Variants in GUCY1A1 observed in about 807,000 individuals in gnomAD.
The protein encoded by GUCY1A1 is guanylate cyclase soluble subunit alpha-1.
A neutral mutation model predicts 64.5 loss-of-function variants in GUCY1A1; 48 were observed. That is an observed-to-expected ratio of 0.74 (90% CI 0.59 to 0.95). The LOEUF (loss-of-function observed/expected upper bound fraction) is 0.95. Ranked by LOEUF, GUCY1A1 falls within the 40% of genes least tolerant of loss-of-function variation. GUCY1A1 has a pLI of 0.00. For synonymous variants in GUCY1A1, 308 were observed against 303.4 expected, an observed-to-expected ratio of 1.02 and a Z score of -0.16; for missense variants, 804 against 825.3, an observed-to-expected ratio of 0.97 and a Z score of 0.32.
intron 6 of GUCY1A1, among the ~76,000 whole-genome samples, chr4:155,711,815 A>C (rs758511657): frequency 1.3e-5 from 2 of 152,222 alleles, no homozygotes; most frequent in Non-Finnish European, 2.9e-5. Flanking sequence ...CTAAGAGAGA[A>C]GTTTCACACA....
intron 2 of GUCY1A1, among the ~76,000 whole-genome samples, chr4:155,669,144 A>G (rs1560903585): frequency 6.6e-6 from 1 of 152,174 alleles, no homozygotes. Flanking sequence ...TATTTCACAT[A>G]AAATAGACCA....
At chr4:155,723,607 T>A (rs1734255144) in intron 9 of GUCY1A1, among the ~76,000 whole-genome samples, 2 of 151,326 alleles carry the variant, frequency 1.3e-5, no homozygotes, top group Admixed American at 6.6e-5. Context: ...TTTAATAGCA[T>A]CTTCTCCCTT....
chr4:155,722,155 G>A lies in GUCY1A1; in HGVS notation c.1834G>A (p.Val612Ile). The change falls in exon 9 of 10, where the codon GTA becomes ATA. Residue 612 changes from valine to isoleucine, a missense_variant. Transcript: ENST00000506455. ...TLANKFESCS[V>I]PRKINVSPTT... ...GGCTAACAAATTTGAGTCCTGCAGT[G>A]TACCACGAAAAATCAATGTCAGCCC... 6.2e-7 allele frequency: 1 copy of A among 1,612,892 alleles called. No individual in the cohort carries two copies. The highest frequency in any genetic ancestry group is 8.5e-7 in the Non-Finnish European group (1 of 1,179,144).
intron 3 of GUCY1A1, among the ~76,000 whole-genome samples, chr4:155,698,186 T>A (rs1013419083): frequency 6.6e-5 from 10 of 152,164 alleles, no homozygotes; most frequent in Admixed American, 5.9e-4. Flanking sequence ...ATTCCTGCTG[T>A]AAACAGTCCA....
At chr4:155,676,267 A>G (rs913726596) in intron 2 of GUCY1A1, among the ~76,000 whole-genome samples, 1 of 150,140 alleles carries the variant, frequency 6.7e-6, no homozygotes, top group African/African-American at 2.5e-5. Context: ...GAGGAAGACC[A>G]AAAGAAAGCA....
In GUCY1A1 at chr4:155,730,080, A is replaced by G. The variant is rs1352757340; in HGVS notation, c.1922A>G (p.Glu641Gly). 1 of 1,611,072 alleles carries G rather than the reference A, an allele frequency of 6.2e-7. No homozygotes were observed. Among genetic ancestry groups the G allele is most frequent in the Admixed American group, 1.7e-5 (1 of 59,832 alleles). ...GFVFTPRSREELPPNFPSEIP... is the reference protein window; with the variant it reads ...GFVFTPRSREGLPPNFPSEIP... ...GTGTTTACCCCTCGATCAAGGGAGGAACTTCCACCAAACTTCCCTAGTGAA... is the reference window on the plus strand; with the variant it reads ...GTGTTTACCCCTCGATCAAGGGAGGGACTTCCACCAAACTTCCCTAGTGAA... Residue 641 changes from glutamate (E) to glycine (G), a missense_variant, in exon 10 of 10, where the codon GAA (glutamate) becomes GGA (glycine). By Grantham distance (98) the Glu-to-Gly change is moderately conservative. Transcript: ENST00000506455.
chr4:155,725,192 G>A (rs1382831770), intron 9 of GUCY1A1, among the ~76,000 whole-genome samples: 2 of 151,914 alleles, frequency 1.3e-5, no homozygotes, highest in African/African-American at 4.8e-5. Flanking sequence ...GCTTCCTGTG[G>A]TACACATTCC....
intron 2 of GUCY1A1, among the ~76,000 whole-genome samples, chr4:155,675,123 T>C (rs899701916): frequency 2.0e-5 from 3 of 151,628 alleles, no homozygotes; most frequent in African/African-American, 7.3e-5. Flanking sequence ...CGTGACAGTA[T>C]ATGCACTGGA....
At chr4:155,721,618 T>A (rs1733963691) in intron 8 of GUCY1A1, among the ~76,000 whole-genome samples, 1 of 152,164 alleles carries the variant, frequency 6.6e-6, no homozygotes, top group African/African-American at 2.4e-5. Context: ...GCTAGCTTCA[T>A]TTGCCCTTCT....
chr4:155,722,891 C>T (rs1055358230), intron 9 of GUCY1A1, among the ~76,000 whole-genome samples: 3 of 152,048 alleles, frequency 2.0e-5, no homozygotes, highest in Non-Finnish European at 2.9e-5. Context: ...CAGGAAGCTC[C>T]ACCTGATTGA....
rs146138916 is a variant in GUCY1A1, at chr4:155,690,139, T to C, written c.-112-6617T>C. Among the ~76,000 whole-genome samples the C allele has an allele frequency of 6.0e-3, 921 of 152,232 alleles. 11 individuals are homozygous for C. The highest frequency in any genetic ancestry group is 6.8e-3 in the Middle Eastern group (2 of 294). ...TTAGAAATCCAAGCTCTAGGCTTGG[T>C]TAAGATTGAATAACCAGAGTCATGG... On this transcript the variant is annotated intron_variant, in intron 2 of 9. Coordinates refer to ENST00000506455, the MANE Select transcript of GUCY1A1 (RefSeq NM_001130682.3).
At chr4:155,720,949 C>G (rs1022345705) in intron 8 of GUCY1A1, among the ~76,000 whole-genome samples, 2 of 152,008 alleles carry the variant, frequency 1.3e-5, no homozygotes, top group Admixed American at 1.3e-4. Context: ...GTAATCAGAC[C>G]TTTGAAGATT....
intron 2 of GUCY1A1, among the ~76,000 whole-genome samples, chr4:155,690,795 A>G (rs555094051): frequency 6.6e-6 from 1 of 152,330 alleles, no homozygotes; most frequent in African/African-American, 2.4e-5. Flanking sequence ...GAACTGATAC[A>G]TCAGAAATAG....
rs1412027290 is a variant in GUCY1A1 at position 155,734,458 on chromosome 4, G to A, written c.*4227G>A. 6.6e-6 allele frequency: 1 copy of A among 151,932 alleles called. No individual in the cohort carries two copies. The highest frequency in any genetic ancestry group is 2.4e-5 in the African/African-American group (1 of 41,412). The allele number at this position is 151,932 out of a possible 1,614,324, so 9.4% of individuals were successfully genotyped here. Reference sequence around the variant, plus strand: ...TTTTAATAAGTAAAATTGAATCTTTGATACATATTTGTTGAGGAGCTTGTC... The same window carrying A: ...TTTTAATAAGTAAAATTGAATCTTTAATACATATTTGTTGAGGAGCTTGTC... On this transcript the variant is annotated 3_prime_UTR_variant, in exon 10 of 10. Coordinates refer to ENST00000506455, the MANE Select transcript of GUCY1A1 (RefSeq NM_001130682.3).
chr4:155,710,705 A>C lies in GUCY1A1; in HGVS notation c.540A>C (p.Gly180=), dbSNP rs770903363. Residue 180 remains glycine, a synonymous_variant, in exon 6 of 10, where the codon GGA becomes GGC. Coordinates refer to ENST00000506455, the MANE Select transcript of GUCY1A1 (RefSeq NM_001130682.3). ...LKQSSHCQEA[G]KRGRLEDASI... is the part of the protein sequence containing the mutation. ...AGAGCAGCCATTGCCAAGAAGCAGG[A>C]AAAAGGGGCAGGCTTGAGGACGCCT... is the stretch of plus-strand genomic sequence containing the variant. 6.2e-7 allele frequency: 1 copy of C among 1,614,094 alleles called. No homozygotes were observed. Among genetic ancestry groups the C allele is most frequent in the Non-Finnish European group, 8.5e-7 (1 of 1,179,966 alleles).
chr4:155,686,274 G>A (rs1166209870), intron 2 of GUCY1A1, among the ~76,000 whole-genome samples: 8 of 152,054 alleles, frequency 5.3e-5, no homozygotes. Flanking sequence ...TCAGGAGTTC[G>A]TGACCAGCCT....
chr4:155,712,033 A>G (rs1732637285), intron 6 of GUCY1A1, among the ~76,000 whole-genome samples: 1 of 152,212 alleles, frequency 6.6e-6, no homozygotes, highest in East Asian at 1.9e-4. Flanking sequence ...TGCTTTTATC[A>G]TGAAACAGTG....
At chr4:155,697,226 A>G in intron 3 of GUCY1A1, 104 bp downstream of exon 3, 2 of 797,462 alleles carry the variant, frequency 2.5e-6, no homozygotes, top group South Asian at 1.7e-5. Flanking sequence ...TTTCAAGGCT[A>G]CAATAAATGT....
At chr4:155,703,530 G>A (rs975193054) in intron 3 of GUCY1A1, among the ~76,000 whole-genome samples, 1 of 152,110 alleles carries the variant, frequency 6.6e-6, no homozygotes, top group Non-Finnish European at 1.5e-5. Context: ...AGTATTGGCC[G>A]CCCGTCCAGA....
Sources: allele counts gnomAD v4.1 joint callset (sites outside exome capture counted in the v4.1 genomes callset), GRCh38; gene constraint gnomAD v4.1.1; transcripts MANE v1.5; gene names NCBI Gene and HGNC (gene_info 2026-07-23, HGNC 2026-07-21).